DOK6: variants seen among roughly 807,000 people sequenced by gnomAD.
DOK6 encodes downstream of tyrosine kinase 6.
In DOK6, 22 loss-of-function variants were observed where a neutral mutation model predicts 44.0. That is an observed-to-expected ratio of 0.50 (90% CI 0.36 to 0.71). The LOEUF is 0.71. DOK6 is among the 30% of genes least tolerant of loss of function. The pLI is 0.00. For synonymous variants in DOK6, 166 were observed against 145.5 expected (o/e 1.14, Z -1.01); for missense variants, 340 against 416.4 (o/e 0.82, Z 1.60).
chr18:69,751,105 TC>T (rs1979162303), intron 6 of DOK6, among the ~76,000 whole-genome samples: 2 of 152,114 alleles, frequency 1.3e-5, no homozygotes, highest in African/African-American at 4.8e-5. Context: ...GGCTAGGGGC[TC>T]GGGGGCAACA....
At chr18:69,754,402 G>C (rs1753461706) in intron 6 of DOK6, among the ~76,000 whole-genome samples, 1 of 149,840 alleles carries the variant, frequency 6.7e-6, no homozygotes, top group African/African-American at 2.4e-5. Context: ...TACTGTCTTA[G>C]TCACTGCACA....
chr18:69,444,508 G>A (rs1979223671), intron 1 of DOK6, among the ~76,000 whole-genome samples: 1 of 152,106 alleles, frequency 6.6e-6, no homozygotes, highest in Non-Finnish European at 1.5e-5. Flanking sequence ...GGTTTACTTG[G>A]ATGAAAACTT....
At chr18:69,801,379 A>G (rs939344639) in intron 7 of DOK6, among the ~76,000 whole-genome samples, 16 of 152,202 alleles carry the variant, frequency 1.1e-4, no homozygotes, top group African/African-American at 3.9e-4. Flanking sequence ...ATTAAAAATC[A>G]TTAATTAATT....
chr18:69,751,010 A>T (rs1425242695), intron 6 of DOK6, among the ~76,000 whole-genome samples: 1 of 152,222 alleles, frequency 6.6e-6, no homozygotes, highest in South Asian at 2.1e-4. Context: ...CAGACACAAA[A>T]AGACAAATAC....
intron 1 of DOK6, among the ~76,000 whole-genome samples, chr18:69,437,507 G>A (rs79149683): frequency 6.6e-6 from 1 of 152,088 alleles, no homozygotes; most frequent in African/African-American, 2.4e-5. Flanking sequence ...GTTCTGTTCA[G>A]TTGGTCTCTA....
intron 5 of DOK6, among the ~76,000 whole-genome samples, chr18:69,706,893 C>T (rs1246356589): frequency 1.3e-5 from 2 of 151,746 alleles, no homozygotes; most frequent in Non-Finnish European, 2.9e-5. Context: ...CATAGTATTC[C>T]ATGGTGTATA....
intron 5 of DOK6, among the ~76,000 whole-genome samples, chr18:69,732,863 T>G (rs963816805): frequency 2.4e-4 from 36 of 152,320 alleles, no homozygotes; most frequent in African/African-American, 7.9e-4. Flanking sequence ...GGCATGTGTA[T>G]TAGTCCATTC....
chr18:69,789,775 A>G (rs770108972), intron 7 of DOK6, among the ~76,000 whole-genome samples: 1 of 152,236 alleles, frequency 6.6e-6, no homozygotes, highest in Non-Finnish European at 1.5e-5. Context: ...TTAAGATACC[A>G]GCTAGAACTA....
chr18:69,669,929 T>C (rs544685139), intron 3 of DOK6, among the ~76,000 whole-genome samples: 5 of 152,338 alleles, frequency 3.3e-5, no homozygotes, highest in East Asian at 3.9e-4. Context: ...TATATTTGTT[T>C]TGGTGTTTTA....
At chr18:69,423,020 G>C (rs1978537968) in intron 1 of DOK6, among the ~76,000 whole-genome samples, 1 of 152,086 alleles carries the variant, frequency 6.6e-6, no homozygotes, top group African/African-American at 2.4e-5. Context: ...ATAGAAAAAT[G>C]TGGCCAGGCG....
intron 3 of DOK6, among the ~76,000 whole-genome samples, chr18:69,664,411 GATC>G (rs1241093863): frequency 6.6e-6 from 1 of 152,084 alleles, no homozygotes; most frequent in Non-Finnish European, 1.5e-5. Context: ...AAATCTTAAT[GATC>G]ATCTTTATGC....
intron 1 of DOK6, among the ~76,000 whole-genome samples, chr18:69,545,050 G>A (rs2009136): frequency 0.25 from 37,266 of 149,984 alleles, 6,017 homozygotes; most frequent in East Asian, 0.63. Context: ...GAACCCGGGG[G>A]TGGAGGTTGC....
At chr18:69,495,220 T>C (rs1599158336) in intron 1 of DOK6, among the ~76,000 whole-genome samples, 1 of 152,288 alleles carries the variant, frequency 6.6e-6, no homozygotes, top group East Asian at 1.9e-4. Flanking sequence ...GGAGTCACAG[T>C]CTTGGCTTGG....
intron 5 of DOK6, among the ~76,000 whole-genome samples, chr18:69,710,755 G>C (rs1986736706): frequency 6.6e-6 from 1 of 152,204 alleles, no homozygotes; most frequent in Non-Finnish European, 1.5e-5. Context: ...TCCATCATAA[G>C]ATATTCTGCC....
intron 1 of DOK6, among the ~76,000 whole-genome samples, chr18:69,486,228 T>C (rs1193322857): frequency 1.3e-5 from 2 of 152,112 alleles, no homozygotes; most frequent in African/African-American, 4.8e-5. Flanking sequence ...TTAGCTTTAC[T>C]AAGAACATAT....
chr18:69,438,139 C>A (rs1979034303), intron 1 of DOK6, among the ~76,000 whole-genome samples: 1 of 152,044 alleles, frequency 6.6e-6, no homozygotes, highest in African/African-American at 2.4e-5. Context: ...AGTGAGTTTG[C>A]CACATATATT....
chr18:69,646,248 T>C lies in DOK6; in HGVS notation c.290-31486T>C, dbSNP rs1985069891. Reference sequence around the variant, plus strand: ...CTTCTTCAGGGATTCCAATTATGCATATTTTAGTTACTTTTCCTATTTGGA... The same window carrying C: ...CTTCTTCAGGGATTCCAATTATGCACATTTTAGTTACTTTTCCTATTTGGA... On this transcript the variant is annotated intron_variant, in intron 3 of 7. Transcript: ENST00000382713. Among the ~76,000 whole-genome samples the C allele has an allele frequency of 2.0e-5, 3 of 152,202 alleles. No individual in the cohort carries two copies. The East Asian group carries it at 5.8e-4, about 29-fold the overall frequency.
At chr18:69,509,382 A>C (rs773681502) in intron 1 of DOK6, among the ~76,000 whole-genome samples, 2 of 152,172 alleles carry the variant, frequency 1.3e-5, no homozygotes, top group Non-Finnish European at 2.9e-5. Context: ...TCACGCCTGT[A>C]ATCCCAGCAC....
intron 6 of DOK6, among the ~76,000 whole-genome samples, chr18:69,749,590 G>T (rs1352148451): frequency 6.6e-6 from 1 of 151,980 alleles, no homozygotes; most frequent in African/African-American, 2.4e-5. Flanking sequence ...TTTTAAAGAG[G>T]GATACTTCAT....
Sources: allele counts gnomAD v4.1 joint callset (sites outside exome capture counted in the v4.1 genomes callset), GRCh38; gene constraint gnomAD v4.1.1; transcripts MANE v1.5; gene names NCBI Gene and HGNC (gene_info 2026-07-23, HGNC 2026-07-21).